The following SLIT2 variants were observed in gnomAD, a reference collection of about 807,000 sequenced individuals.
SLIT2 encodes the protein slit homolog 2 protein.
SLIT2 carries 41 observed loss-of-function variants against 185.7 expected under a neutral mutation model. That is an observed-to-expected ratio of 0.22 (90% confidence interval 0.17 to 0.29). The LOEUF is 0.29. Among genes scored for constraint, SLIT2 ranks in the 10% least tolerant of loss-of-function variants. SLIT2 has a pLI of 1.00. For synonymous variants in SLIT2, 693 were observed against 680.2 expected, an observed-to-expected ratio of 1.02 and a Z score of -0.29; for missense variants, 1,571 against 1,909.0, an observed-to-expected ratio of 0.82 and a Z score of 3.30.
intron 29 of SLIT2, among the ~76,000 whole-genome samples, chr4:20,582,406 G>C (rs778432012): frequency 6.6e-6 from 1 of 152,138 alleles, no homozygotes; most frequent in Non-Finnish European, 1.5e-5. Context: ...TATGCATATA[G>C]TAGTCCCCTC....
rs1725074475 is a variant in SLIT2, at chr4:20,566,148, G to A, written c.2726-1114G>A. ...TTAGAAGGTTAGAGCAGTAACGGTG[G>A]GGGTGCAGAGCTGCTCTGTAATTAT... On this transcript the variant is annotated intron_variant, in intron 26 of 36. Coordinates refer to ENST00000504154, the MANE Select transcript of SLIT2 (RefSeq NM_004787.4). 2.6e-5 allele frequency among the ~76,000 whole-genome samples: 4 copies of A among 152,004 alleles called. No homozygotes were observed. The South Asian group carries it at 6.2e-4, about 24-fold the overall frequency.
intron 9 of SLIT2, among the ~76,000 whole-genome samples, chr4:20,498,380 C>T (rs1405778006): frequency 6.6e-6 from 1 of 152,128 alleles, no homozygotes; most frequent in Non-Finnish European, 1.5e-5. Flanking sequence ...GTTGCAATGC[C>T]TCCTGTGAGT....
chr4:20,618,630 G>A (rs917913318), intron 36 of SLIT2, 138 bp from the exon 37 acceptor site: 19 of 809,010 alleles, frequency 2.3e-5, no homozygotes, highest in East Asian at 9.9e-5. Flanking sequence ...ATAGGAGGCC[G>A]TGCCACCAGC....
Position 20,491,880 on chromosome 4 carries a change from C to T in SLIT2, c.895C>T (p.Pro299Ser), listed in dbSNP as rs370243090. 2 of 1,613,614 alleles carry T rather than the reference C, an allele frequency of 1.2e-6. No homozygotes were observed. The highest frequency in any genetic ancestry group is 1.7e-6 in the Non-Finnish European group (2 of 1,179,766). Residue 299 changes from proline to serine, a missense_variant, in exon 9 of 37, where the codon CCA (proline) becomes TCA (serine). Transcript: ENST00000504154. ...TCTCACTGAGATCCCCACAAATCTT[C>T]CAGAGACCATCACAGAAATGTATGT... ...KGLTEIPTNL[P>S]ETITEIRLEQ...
chr4:20,498,279 G>C (rs1237514030), intron 9 of SLIT2, among the ~76,000 whole-genome samples: 2 of 152,184 alleles, frequency 1.3e-5, no homozygotes, highest in African/African-American at 4.8e-5. Flanking sequence ...GCTAAACCTA[G>C]CTGTAAAAGG....
At chr4:20,418,787 A>T (rs773145933) in intron 4 of SLIT2, among the ~76,000 whole-genome samples, 1 of 152,184 alleles carries the variant, frequency 6.6e-6, no homozygotes, top group Non-Finnish European at 1.5e-5. Context: ...TCGGGTAAAT[A>T]GTAGGAAAAA....
At chr4:20,304,031 A>G (rs1375112212) in intron 4 of SLIT2, among the ~76,000 whole-genome samples, 2 of 152,228 alleles carry the variant, frequency 1.3e-5, no homozygotes, top group Non-Finnish European at 2.9e-5. Context: ...TCTGTAAAAT[A>G]GAAACATAAT....
intron 4 of SLIT2, among the ~76,000 whole-genome samples, chr4:20,426,422 G>T (rs1168270965): frequency 6.6e-6 from 1 of 152,138 alleles, no homozygotes; most frequent in Non-Finnish European, 1.5e-5. Flanking sequence ...AAAGGTGGTA[G>T]GGGAAAAACA....
At chr4:20,413,754 C>T (rs1379174108) in intron 4 of SLIT2, among the ~76,000 whole-genome samples, 1 of 152,022 alleles carries the variant, frequency 6.6e-6, no homozygotes, top group African/African-American at 2.4e-5. Flanking sequence ...ACTCTTTACA[C>T]AATAGGTATT....
intron 4 of SLIT2, among the ~76,000 whole-genome samples, chr4:20,444,665 A>G (rs1262514048): frequency 6.6e-6 from 1 of 152,216 alleles, no homozygotes; most frequent in Non-Finnish European, 1.5e-5. Flanking sequence ...AATCCTTGCT[A>G]TTGCCACTGT....
chr4:20,471,100 G>T (rs137951669), intron 5 of SLIT2, among the ~76,000 whole-genome samples: 1 of 152,134 alleles, frequency 6.6e-6, no homozygotes, highest in African/African-American at 2.4e-5. Flanking sequence ...CAATGTGAAA[G>T]ACAATGAGGG....
At chr4:20,573,338 G>A (rs1725783335) in intron 29 of SLIT2, 5 of 700,698 alleles carry the variant, frequency 7.1e-6, no homozygotes, top group South Asian at 1.5e-5. Flanking sequence ...ATTTCACTGC[G>A]GGTACACAGT....
intron 4 of SLIT2, among the ~76,000 whole-genome samples, chr4:20,320,293 A>G (rs1718958206): frequency 6.6e-6 from 1 of 152,138 alleles, no homozygotes. Context: ...GTCAGTTCCC[A>G]GTTGCATGAC....
chr4:20,388,888 C>CAT (rs1491254010), intron 4 of SLIT2, among the ~76,000 whole-genome samples: 2 of 133,078 alleles, frequency 1.5e-5, no homozygotes, highest in African/African-American at 5.6e-5. Context: ...ATATATAAAA[C>CAT]ATAATATATA....
chr4:20,294,862 A>G (rs1716312823), intron 4 of SLIT2, among the ~76,000 whole-genome samples: 1 of 152,210 alleles, frequency 6.6e-6, no homozygotes, highest in Admixed American at 6.5e-5. Context: ...AAGGCAGTCA[A>G]AGAAAAACAA....
chr4:20,356,996 A>C (rs561603586), intron 4 of SLIT2, among the ~76,000 whole-genome samples: 1 of 152,214 alleles, frequency 6.6e-6, no homozygotes, highest in South Asian at 2.1e-4. Context: ...TGAAAAAAAT[A>C]TGTATTTGTT....
At chr4:20,299,076 C>T (rs1159671741) in intron 4 of SLIT2, among the ~76,000 whole-genome samples, 1 of 152,090 alleles carries the variant, frequency 6.6e-6, no homozygotes, top group Non-Finnish European at 1.5e-5. Flanking sequence ...TGACATTTAT[C>T]TCAGACTGTA....
chr4:20,259,624 C>T (rs1186264333), intron 3 of SLIT2, among the ~76,000 whole-genome samples: 1 of 151,678 alleles, frequency 6.6e-6, no homozygotes, highest in Non-Finnish European at 1.5e-5. Flanking sequence ...ATTAACTTTT[C>T]CTAAAACTTA....
chr4:20,528,515 A>G lies in SLIT2; in HGVS notation c.1463-434A>G, dbSNP rs1010430888. On this transcript the variant is annotated intron_variant, in intron 15 of 36. Coordinates refer to ENST00000504154, the MANE Select transcript of SLIT2 (RefSeq NM_004787.4). The surrounding 1 kb of genome is among the most constrained non-coding windows in gnomAD (Gnocchi z 4.2). Reference sequence around the variant, plus strand: ...GAGAGAATAGTAAAAAGTCCATAGAAAATTTAAAAGCCTGAGTATATCTAT... The same window carrying G: ...GAGAGAATAGTAAAAAGTCCATAGAGAATTTAAAAGCCTGAGTATATCTAT... 2.8e-6 allele frequency: 1 copy of G among 355,618 alleles called. No homozygotes were observed. Among genetic ancestry groups the G allele is most frequent in the Non-Finnish European group, 5.5e-6 (1 of 180,958 alleles). The allele number at this position is 355,618 out of a possible 1,614,324, so 22.0% of individuals were successfully genotyped here.
Sources: allele counts gnomAD v4.1 joint callset (sites outside exome capture counted in the v4.1 genomes callset), GRCh38; gene constraint gnomAD v4.1.1; non-coding constraint Gnocchi (gnomAD v3.1); transcripts MANE v1.5; gene names NCBI Gene and HGNC (gene_info 2026-07-23, HGNC 2026-07-21).